Variants in PDE4D observed in about 807,000 individuals in gnomAD.
PDE4D encodes phosphodiesterase 4D, also known as 3',5'-cyclic-AMP phosphodiesterase 4D.
A neutral mutation model predicts 87.4 loss-of-function variants in PDE4D; 24 were observed. The ratio of observed to expected loss-of-function variants is 0.27; its 90% CI spans 0.20 to 0.39. The LOEUF is 0.39. PDE4D is among the 10% of genes least tolerant of loss of function. PDE4D has a pLI of 1.00. For synonymous variants in PDE4D, 384 were observed against 383.2 expected, an observed-to-expected ratio of 1.00 and a Z score of -0.02; for missense variants, 714 against 1,041.0, an observed-to-expected ratio of 0.69 and a Z score of 4.32.
At chr5:59,538,009 C>G (rs1180761567) in intron 1 of PDE4D, among the ~76,000 whole-genome samples, 3 of 152,124 alleles carry the variant, frequency 2.0e-5, no homozygotes, top group Non-Finnish European at 4.4e-5. Context: ...GGGGTTAGAC[C>G]ATCCCTGTTG....
At chr5:59,591,633 T>C (rs1214096221) in intron 1 of PDE4D, among the ~76,000 whole-genome samples, 1 of 152,210 alleles carries the variant, frequency 6.6e-6, no homozygotes, top group Non-Finnish European at 1.5e-5. Flanking sequence ...ATTTATCTTA[T>C]ATGAATACCA....
intron 1 of PDE4D, among the ~76,000 whole-genome samples, chr5:59,876,751 C>T (rs984935870): frequency 2.0e-5 from 3 of 152,082 alleles, no homozygotes; most frequent in African/African-American, 7.2e-5. Flanking sequence ...TATGTCAATG[C>T]ACTATGAAAA....
intron 1 of PDE4D, among the ~76,000 whole-genome samples, chr5:59,330,848 C>T (rs951680045): frequency 2.0e-5 from 3 of 152,156 alleles, no homozygotes. Flanking sequence ...CCATGGCTTC[C>T]TCGACAGCCT....
intron 2 of PDE4D, among the ~76,000 whole-genome samples, chr5:59,200,138 T>C (rs111074661): frequency 0.032 from 4,837 of 149,688 alleles, 296 homozygotes; most frequent in African/African-American, 0.11. Context: ...GACATACATG[T>C]ATGTACACGT....
At chr5:59,676,158 C>T (rs1052353770) in intron 1 of PDE4D, among the ~76,000 whole-genome samples, 6 of 151,890 alleles carry the variant, frequency 4.0e-5, no homozygotes, top group South Asian at 2.1e-4. Context: ...AAATAGAATA[C>T]GTAAGTTCTA....
chr5:59,683,625 T>C (rs1749391459), intron 1 of PDE4D, among the ~76,000 whole-genome samples: 1 of 152,126 alleles, frequency 6.6e-6, no homozygotes, highest in South Asian at 2.1e-4. Flanking sequence ...GAGCAGAAAA[T>C]AGCTATTCGT....
chr5:59,973,031 C>G (rs1156250079), intron 3 of PDE4D, among the ~76,000 whole-genome samples: 1 of 152,068 alleles, frequency 6.6e-6, no homozygotes, highest in Admixed American at 6.6e-5. Flanking sequence ...CCAAGTATCC[C>G]TACCTCCCAC....
chr5:59,772,115 G>T (rs763483104), intron 1 of PDE4D, among the ~76,000 whole-genome samples: 2 of 152,204 alleles, frequency 1.3e-5, no homozygotes, highest in African/African-American at 4.8e-5. Context: ...GTGTTTCAAA[G>T]TCATGCTTGA....
intron 5 of PDE4D, among the ~76,000 whole-genome samples, chr5:59,122,084 G>A (rs1774610764): frequency 1.5e-5 from 2 of 137,118 alleles, no homozygotes; most frequent in East Asian, 4.6e-4. Flanking sequence ...GGAGGTTGCA[G>A]TGAGCTGAGA....
At chr5:59,377,855 T>C (rs1582242767) in intron 1 of PDE4D, among the ~76,000 whole-genome samples, 2 of 152,110 alleles carry the variant, frequency 1.3e-5, no homozygotes, top group African/African-American at 4.8e-5. Flanking sequence ...GTTCAACAAT[T>C]GTAGAAGACA....
At chr5:59,199,822 TTATG>T (rs1746335663) in intron 2 of PDE4D, among the ~76,000 whole-genome samples, 1 of 152,020 alleles carries the variant, frequency 6.6e-6, no homozygotes, top group Admixed American at 6.5e-5. Context: ...TACTTGATCT[TTATG>T]TGTGTGTATG....
chr5:59,265,353 G>A (rs1055137908), intron 1 of PDE4D, among the ~76,000 whole-genome samples: 2 of 151,730 alleles, frequency 1.3e-5, no homozygotes, highest in Non-Finnish European at 2.9e-5. Flanking sequence ...TTACTTCTTT[G>A]ACCCACCTAG....
chr5:60,365,012 T>A (rs1760399929), intron 1 of PDE4D, among the ~76,000 whole-genome samples: 1 of 152,196 alleles, frequency 6.6e-6, no homozygotes, highest in Non-Finnish European at 1.5e-5. Context: ...TTTATTTGTA[T>A]AATCCAAGTG....
chr5:60,106,481 T>G lies in PDE4D; in HGVS notation c.42+79076A>C, dbSNP rs150772460. 7.1e-3 allele frequency among the ~76,000 whole-genome samples: 1,076 copies of G among 152,142 alleles called. 22 individuals carry two copies. The highest frequency in any genetic ancestry group is 0.047 in the East Asian group (241 of 5,166). Reference sequence around the variant, plus strand: ...GAAAGTTAACAAGGATACCCAGGAATTGAACTCACCTTTGCACCAAGCAGA... The same window carrying G: ...GAAAGTTAACAAGGATACCCAGGAAGTGAACTCACCTTTGCACCAAGCAGA... On this transcript the variant is annotated intron_variant, in intron 2 of 16. Coordinates refer to the PDE4D transcript ENST00000502484.
rs1355836526 is a variant in PDE4D, at chr5:59,732,455, G to GA, written c.455+160712dup. ...ACTCACGCACAGAGAGAAAGGAAGA[G>GA]AAAACAAAGAGACAGAATTTCCTCC... On this transcript the variant is annotated intron_variant, in intron 1 of 14. Transcript: ENST00000340635. Among the ~76,000 whole-genome samples, 3 of 149,886 alleles carry GA rather than the reference G, an allele frequency of 2.0e-5. No individual in the cohort carries two copies. In the East Asian group the frequency reaches 5.8e-4, roughly 29 times the overall value.
chr5:59,970,476 T>A (rs1760597589), intron 3 of PDE4D, among the ~76,000 whole-genome samples: 1 of 151,900 alleles, frequency 6.6e-6, no homozygotes, highest in Non-Finnish European at 1.5e-5. Flanking sequence ...AGGGCTAATA[T>A]CCAGAATCTA....
At chr5:59,252,443 T>C (rs1009641847) in intron 1 of PDE4D, among the ~76,000 whole-genome samples, 1 of 152,158 alleles carries the variant, frequency 6.6e-6, no homozygotes, top group Non-Finnish European at 1.5e-5. Flanking sequence ...AGGTGTGTAA[T>C]TGTTTTCCCC....
At chr5:59,741,441 T>C (rs1163573273) in intron 1 of PDE4D, among the ~76,000 whole-genome samples, 1 of 152,190 alleles carries the variant, frequency 6.6e-6, no homozygotes, top group Non-Finnish European at 1.5e-5. Flanking sequence ...CTAAAGGGTG[T>C]GTCTAATAAC....
chr5:59,250,272 T>C (rs1302170507), intron 1 of PDE4D, among the ~76,000 whole-genome samples: 1 of 150,922 alleles, frequency 6.6e-6, no homozygotes, highest in East Asian at 2.0e-4. Flanking sequence ...AGGCAGATTG[T>C]TTGAATCCAG....
Sources: allele counts gnomAD v4.1 joint callset (sites outside exome capture counted in the v4.1 genomes callset), GRCh38; gene constraint gnomAD v4.1.1; transcripts MANE v1.5; gene names NCBI Gene and HGNC (gene_info 2026-07-23, HGNC 2026-07-21).